The following ABCB5 variants were observed in gnomAD, a reference collection of about 807,000 sequenced individuals.
The protein encoded by ABCB5 is ATP-binding cassette sub-family B member 5.
In ABCB5, 155 loss-of-function variants were observed where a neutral mutation model predicts 144.2. The observed-to-expected ratio is 1.08, with a 90% CI of 0.94 to 1.23. ABCB5 has a LOEUF of 1.23. Among genes scored for constraint, ABCB5 ranks in the 50% most tolerant of loss-of-function variants. The probability of loss-of-function intolerance (pLI) is 0.00; values close to 1 mark genes in which losing one functional copy is unlikely to be tolerated. For missense variants in ABCB5, 1,830 were observed against 1,520.8 expected, an observed-to-expected ratio of 1.20 and a Z score of -3.38; for synonymous variants, 610 against 528.6, an observed-to-expected ratio of 1.15 and a Z score of -2.11.
intron 11 of ABCB5, 42 bp from the exon 12 acceptor site, chr7:20,649,980 C>T: frequency 6.4e-7 from 1 of 1,573,120 alleles, no homozygotes; most frequent in Non-Finnish European, 8.6e-7. Flanking sequence ...CCATCATCTT[C>T]TTATTGTGGT....
intron 5 of ABCB5, among the ~76,000 whole-genome samples, chr7:20,636,683 G>T (rs1014613482): frequency 8.7e-5 from 13 of 149,124 alleles, no homozygotes; most frequent in African/African-American, 3.2e-4. Context: ...TACTCGGAAA[G>T]TTGAGGCAGG....
intron 20 of ABCB5, among the ~76,000 whole-genome samples, chr7:20,710,384 G>GAAAAA (rs201430407): frequency 1.1e-5 from 1 of 87,284 alleles, no homozygotes; most frequent in African/African-American, 4.7e-5. Context: ...AAAAAAAAGT[G>GAAAAA]GGGGGGGGGC....
intron 14 of ABCB5, among the ~76,000 whole-genome samples, chr7:20,663,045 A>T (rs1382637311): frequency 6.6e-6 from 1 of 152,214 alleles, no homozygotes; most frequent in Non-Finnish European, 1.5e-5. Flanking sequence ...TGTAAAATAC[A>T]CTGAAGCACA....
intron 15 of ABCB5, 104 bp from the exon 16 acceptor site, chr7:20,685,592 C>A: frequency 9.4e-7 from 1 of 1,068,132 alleles, no homozygotes; most frequent in Non-Finnish European, 1.3e-6. Flanking sequence ...GAATATGCCA[C>A]TTTCAATAGC....
intron 20 of ABCB5, among the ~76,000 whole-genome samples, chr7:20,719,866 G>C (rs1160269346): frequency 6.6e-6 from 1 of 151,976 alleles, no homozygotes; most frequent in Non-Finnish European, 1.5e-5. Context: ...GGAATTGGAG[G>C]TATTGATATG....
At chr7:20,731,369 A>AAAAAAAAAAAATATATATATATATAT (rs57305244) in intron 23 of ABCB5, among the ~76,000 whole-genome samples, 1 of 123,104 alleles carries the variant, frequency 8.1e-6, no homozygotes, top group African/African-American at 3.3e-5. Context: ...AAAAAAAAAA[A>AAAAAAAAAAAATATATATATATATAT]ATATATATAT....
chr7:20,697,276 C>T (rs528220919), intron 16 of ABCB5, among the ~76,000 whole-genome samples: 3 of 152,128 alleles, frequency 2.0e-5, no homozygotes, highest in African/African-American at 4.8e-5. Flanking sequence ...AACAACAGTC[C>T]GCATTATAGT....
At chr7:20,627,326 G>T (rs1286793835) in intron 3 of ABCB5, among the ~76,000 whole-genome samples, 2 of 152,150 alleles carry the variant, frequency 1.3e-5, no homozygotes, top group African/African-American at 4.8e-5. Flanking sequence ...TAGAGGAGCA[G>T]ATACTCTCTT....
chr7:20,655,170 A>T (rs1386131712), intron 13 of ABCB5, among the ~76,000 whole-genome samples: 1 of 152,196 alleles, frequency 6.6e-6, no homozygotes, highest in East Asian at 1.9e-4. Context: ...TAAAAGGTTA[A>T]TAAGGAAATA....
Position 20,663,615 on chromosome 7 carries a change from G to A in ABCB5, c.1707+4939G>A, listed in dbSNP as rs375051079. On this transcript the variant is annotated intron_variant, in intron 14 of 27. Transcript: ENST00000404938. ...AAAGCGGGGAGTTAGTGTTTAATGG[G>A]TATACAATTTGAATATGAGATGATG... is the stretch of plus-strand genomic sequence containing the variant. Among the ~76,000 whole-genome samples the A allele has an allele frequency of 5.9e-5, 9 of 152,142 alleles. No homozygotes were observed. In the East Asian group the frequency reaches 1.7e-3, roughly 29 times the overall value.
chr7:20,620,704 C>T (rs1014002997), intron 1 of ABCB5, among the ~76,000 whole-genome samples: 1 of 151,984 alleles, frequency 6.6e-6, no homozygotes, highest in Admixed American at 6.6e-5. Flanking sequence ...CCACATCACA[C>T]CCACTAGGAT....
At chr7:20,708,326 T>C (rs1786890995) in intron 20 of ABCB5, among the ~76,000 whole-genome samples, 1 of 152,114 alleles carries the variant, frequency 6.6e-6, no homozygotes, top group African/African-American at 2.4e-5. Flanking sequence ...ATAATAGTGG[T>C]TAAGGACGGC....
chr7:20,667,449 T>C, intron 14 of ABCB5: 1 of 985,480 alleles, frequency 1.0e-6, no homozygotes, highest in South Asian at 4.7e-5. Context: ...CTTTTCTAGT[T>C]GCAACCTTTT....
chr7:20,650,702 T>C (rs1784557381), intron 12 of ABCB5, among the ~76,000 whole-genome samples: 1 of 152,184 alleles, frequency 6.6e-6, no homozygotes. Flanking sequence ...AACAGTTATT[T>C]TTAAAAGAAA....
chr7:20,722,822 G>A (rs540269304), intron 20 of ABCB5, among the ~76,000 whole-genome samples, 194 bp from the exon 21 acceptor site: 26 of 150,382 alleles, frequency 1.7e-4, no homozygotes, highest in East Asian at 1.2e-3. Context: ...ACTCCATCCC[G>A]GAAAAAAAAA....
At chr7:20,689,324 G>A (rs1379011282) in intron 16 of ABCB5, among the ~76,000 whole-genome samples, 1 of 152,148 alleles carries the variant, frequency 6.6e-6, no homozygotes, top group Admixed American at 6.5e-5. Context: ...AGTTGCTGTG[G>A]TACCTTGCTG....
chr7:20,730,695 T>C (rs541607324), intron 23 of ABCB5, among the ~76,000 whole-genome samples: 9 of 152,224 alleles, frequency 5.9e-5, no homozygotes, highest in African/African-American at 2.2e-4. Flanking sequence ...AAATCTGAAA[T>C]CACATAAATA....
intron 5 of ABCB5, among the ~76,000 whole-genome samples, chr7:20,634,169 CA>C (rs1430069392): frequency 5.6e-5 from 6 of 106,674 alleles, no homozygotes; most frequent in African/African-American, 2.4e-4. Flanking sequence ...CCTCTTGATC[CA>C]TCCATGTTGC....
intron 24 of ABCB5, among the ~76,000 whole-genome samples, chr7:20,739,462 G>A (rs541041580): frequency 4.1e-4 from 62 of 152,276 alleles, no homozygotes; most frequent in South Asian, 1.5e-3. Context: ...AAAAGATAAT[G>A]TCATAGTAAC....
Sources: gnomAD v4.1 joint callset for allele counts (sites outside exome capture counted in the v4.1 genomes callset) on GRCh38, gnomAD v4.1.1 for gene constraint, MANE v1.5 for transcripts, NCBI Gene and HGNC (gene_info 2026-07-23, HGNC 2026-07-21) for gene names.